Variants in ZFYVE9 observed in about 807,000 individuals in gnomAD.
ZFYVE9 encodes the protein zinc finger FYVE-type containing 9.
ZFYVE9 carries 43 observed loss-of-function variants against 126.7 expected under a neutral mutation model. The ratio of observed to expected loss-of-function variants is 0.34; its 90% CI spans 0.27 to 0.44. ZFYVE9 has a LOEUF of 0.44. Ranked by LOEUF, ZFYVE9 falls within the 20% of genes least tolerant of loss-of-function variation. The pLI is 1.00. For synonymous variants in ZFYVE9, 521 were observed against 597.4 expected, an observed-to-expected ratio of 0.87 and a Z score of 1.87; for missense variants, 1,476 against 1,697.0, an observed-to-expected ratio of 0.87 and a Z score of 2.29.
chr1:52,162,110 TAA>T (rs113612315), intron 1 of ZFYVE9: 26 of 141,592 alleles, frequency 1.8e-4, no homozygotes, highest in South Asian at 4.2e-4. Context: ...CATCCAGAAT[TAA>T]AAAAAAAAAA....
Position 52,176,794 on chromosome 1 carries a change from G to A in ZFYVE9, c.-143+34391G>A, listed in dbSNP as rs185182177. 9.6e-4 allele frequency among the ~76,000 whole-genome samples: 147 copies of A among 152,344 alleles called. 1 individual carries two copies. Among genetic ancestry groups the A allele is most frequent in the South Asian group, 4.6e-3 (22 of 4,832 alleles). ...ACTCCGTGGGCATAGGACCCTCCGA[G>A]CCAGGTGTGGGATATAATCTCCTGG... On this transcript the variant is annotated intron_variant, in intron 1 of 18. Transcript: ENST00000287727.
intron 13 of ZFYVE9, among the ~76,000 whole-genome samples, chr1:52,324,304 TTGAA>T (rs1186565605): frequency 1.3e-5 from 2 of 151,984 alleles, no homozygotes; most frequent in Admixed American, 6.6e-5. Context: ...ACAAAACAGA[TTGAA>T]TGAAGACTCA....
At chr1:52,281,540 C>G in intron 9 of ZFYVE9, 121 bp from the exon 10 acceptor site, 1 of 1,128,696 alleles carries the variant, frequency 8.9e-7, no homozygotes. Flanking sequence ...TTGAATTATA[C>G]AGACTCAGTG....
chr1:52,188,119 A>T (rs1368651244), intron 1 of ZFYVE9, among the ~76,000 whole-genome samples: 1 of 152,258 alleles, frequency 6.6e-6, no homozygotes, highest in Non-Finnish European at 1.5e-5. Flanking sequence ...AATGAGGTAC[A>T]TATACTCCAT....
At chr1:52,331,841 C>T (rs757400478) in intron 13 of ZFYVE9, among the ~76,000 whole-genome samples, 14 of 145,202 alleles carry the variant, frequency 9.6e-5, no homozygotes, top group African/African-American at 3.1e-4. Context: ...TGCAGTGGTG[C>T]GATCTTGGCT....
intron 4 of ZFYVE9, among the ~76,000 whole-genome samples, chr1:52,256,774 T>C (rs988491150): frequency 1.4e-5 from 2 of 141,010 alleles, no homozygotes; most frequent in Non-Finnish European, 3.2e-5. Flanking sequence ...CTTTAGATCT[T>C]ATGATACTGA....
chr1:52,280,965 A>G (rs1348989802), intron 9 of ZFYVE9, among the ~76,000 whole-genome samples: 1 of 152,140 alleles, frequency 6.6e-6, no homozygotes, highest in Non-Finnish European at 1.5e-5. Flanking sequence ...TTTAAAATAT[A>G]AAGGTGGAGG....
chr1:52,142,417 G>A lies in ZFYVE9; in HGVS notation c.-143+14G>A, dbSNP rs1239739812. The A allele has an allele frequency of 1.3e-5, 2 of 151,974 alleles. No homozygotes were observed. Among genetic ancestry groups the A allele is most frequent in the African/African-American group, 2.4e-5 (1 of 41,418 alleles). The allele number at this position is 151,974 out of a possible 1,614,324, so 9.4% of individuals were successfully genotyped here. On this transcript the variant is annotated intron_variant, in intron 1 of 18. Transcript: ENST00000287727. The surrounding 1 kb of genome is among the most constrained non-coding windows in gnomAD (Gnocchi z 4.5). ...CCGCTGCTCGAGGTGAGTGTGGCGC[G>A]GCGTGGTCCGGGGCTCGCCGGCCTC...
intron 13 of ZFYVE9, among the ~76,000 whole-genome samples, chr1:52,304,412 G>A (rs550520056): frequency 6.6e-6 from 1 of 151,842 alleles, no homozygotes; most frequent in African/African-American, 2.4e-5. Flanking sequence ...ACAGGCACCC[G>A]CCACCATGCC....
At chr1:52,183,228 G>A (rs1644731372) in intron 1 of ZFYVE9, among the ~76,000 whole-genome samples, 1 of 152,164 alleles carries the variant, frequency 6.6e-6, no homozygotes, top group African/African-American at 2.4e-5. Context: ...AGAGGACACA[G>A]GCACTTAGAG....
At chr1:52,155,540 G>A (rs113279084) in intron 1 of ZFYVE9, among the ~76,000 whole-genome samples, 1 of 152,188 alleles carries the variant, frequency 6.6e-6, no homozygotes, top group African/African-American at 2.4e-5. Context: ...GGCCACAGGA[G>A]CTGTTTTTCT....
intron 1 of ZFYVE9, among the ~76,000 whole-genome samples, chr1:52,199,780 A>G (rs1440644131): frequency 6.6e-6 from 1 of 152,124 alleles, no homozygotes; most frequent in African/African-American, 2.4e-5. Context: ...TGGCTGTACC[A>G]TTTTGCATCC....
intron 1 of ZFYVE9, among the ~76,000 whole-genome samples, chr1:52,196,961 A>G (rs1004936214): frequency 6.6e-6 from 1 of 152,164 alleles, no homozygotes; most frequent in African/African-American, 2.4e-5. Flanking sequence ...ATTATATTTA[A>G]TTTTATTATC....
In ZFYVE9 at chr1:52,248,603, T is replaced by C. The variant is rs552136976; in HGVS notation, c.2178+9008T>C. On this transcript the variant is annotated intron_variant, in intron 4 of 18. Coordinates refer to ENST00000287727, the MANE Select transcript of ZFYVE9 (RefSeq NM_004799.4). ...TCACATAGTGTGTATCAGAGTTTCA[T>C]TCCTTTTTAAGTCTGAATATTTCAT... Among the ~76,000 whole-genome samples the C allele has an allele frequency of 2.0e-5, 3 of 152,336 alleles. No homozygotes were observed. In the East Asian group the frequency reaches 5.8e-4, roughly 29 times the overall value.
In ZFYVE9 at chr1:52,278,556, T is replaced by C; in HGVS notation, c.2811T>C (p.Pro937=). The change falls in exon 9 of 19, where the codon CCT becomes CCC. Residue 937 remains proline, a synonymous_variant. Coordinates refer to ENST00000287727, the MANE Select transcript of ZFYVE9 (RefSeq NM_004799.4). ...TGCAGCAGTTGGAGGATGGTGGCCCTGACCCACTTGTATTTGTTTTAAATG... is the reference window on the plus strand; with the variant it reads ...TGCAGCAGTTGGAGGATGGTGGCCCCGACCCACTTGTATTTGTTTTAAATG... The part of the protein sequence containing the change: ...SVMQQLEDGG[P]DPLVFVLNAN... The C allele has an allele frequency of 6.2e-7, 1 of 1,610,256 alleles. No individual in the cohort carries two copies. Among genetic ancestry groups the C allele is most frequent in the South Asian group, 1.1e-5 (1 of 90,160 alleles).
chr1:52,241,125 A>G (rs1031390726), intron 4 of ZFYVE9, among the ~76,000 whole-genome samples: 3 of 152,216 alleles, frequency 2.0e-5, no homozygotes, highest in Non-Finnish European at 1.5e-5. Flanking sequence ...TTGCTTCACT[A>G]TAGTAACCTT....
In ZFYVE9 at chr1:52,142,120, C is replaced by G. The variant is rs1444111449; in HGVS notation, c.-426C>G. 1.3e-5 allele frequency: 2 copies of G among 151,276 alleles called. No homozygotes were observed. The highest frequency in any genetic ancestry group is 2.4e-5 in the African/African-American group (1 of 41,354). 9.4% of individuals were successfully genotyped at this position (151,276 alleles called of 1,614,324 possible). On this transcript the variant is annotated 5_prime_UTR_variant, in exon 1 of 19. Transcript: ENST00000287727. This position sits in a 1 kb window ranked among gnomAD's most constrained non-coding sequence, Gnocchi z 4.5. ...CGCTGGAGGCTTCGCTGAGGATCCC[C>G]GCCTGCCGCACCTCGGTCGTCCCGC...
At chr1:52,275,083 A>G (rs542716276) in intron 8 of ZFYVE9, among the ~76,000 whole-genome samples, 1 of 152,276 alleles carries the variant, frequency 6.6e-6, no homozygotes, top group African/African-American at 2.4e-5. Flanking sequence ...ATTATGTGAA[A>G]TTTTATTTTT....
At chr1:52,211,392 A>T (rs184136135) in intron 1 of ZFYVE9, among the ~76,000 whole-genome samples, 54 of 152,284 alleles carry the variant, frequency 3.5e-4, no homozygotes, top group Non-Finnish European at 1.9e-4. Flanking sequence ...GCAGCCATTT[A>T]AAAAAATACA....
Sources: gnomAD v4.1 joint callset for allele counts (sites outside exome capture counted in the v4.1 genomes callset) on GRCh38, gnomAD v4.1.1 for gene constraint, Gnocchi (gnomAD v3.1) non-coding constraint, MANE v1.5 for transcripts, NCBI Gene and HGNC (gene_info 2026-07-23, HGNC 2026-07-21) for gene names.